The following GTF3C1 variants were observed in gnomAD, a reference collection of about 807,000 sequenced individuals.
GTF3C1 encodes the protein general transcription factor IIIC subunit 1.
In GTF3C1, 57 loss-of-function variants were observed where a neutral mutation model predicts 226.7. That is an observed-to-expected ratio of 0.25 (90% CI 0.20 to 0.31). The LOEUF is 0.31. GTF3C1 is among the 10% of genes least tolerant of loss of function. The probability of loss-of-function intolerance (pLI) is 1.00; values close to 1 mark genes in which losing one functional copy is unlikely to be tolerated. For missense variants in GTF3C1, 2,217 were observed against 2,776.1 expected (o/e 0.80, Z 4.53); for synonymous variants, 1,090 against 1,084.8 (o/e 1.00, Z -0.09).
intron 25 of GTF3C1, 177 bp from the exon 26 acceptor site, chr16:27,483,302 CCTGA>C: frequency 1.4e-6 from 1 of 694,306 alleles, no homozygotes; most frequent in Non-Finnish European, 2.6e-6. Flanking sequence ...GTCAGCCAAG[CCTGA>C]CCTCAGTCAG....
intron 14 of GTF3C1, among the ~76,000 whole-genome samples, chr16:27,497,052 T>C (rs905558287): frequency 3.3e-5 from 5 of 152,356 alleles, no homozygotes; most frequent in Admixed American, 3.3e-4. Context: ...GTCCTGGACC[T>C]GACGCTGCCT....
intron 12 of GTF3C1, 30 bp downstream of exon 12, chr16:27,501,161 G>C: frequency 6.3e-7 from 1 of 1,588,710 alleles, no homozygotes; most frequent in South Asian, 1.1e-5. Flanking sequence ...CACGAGGCTG[G>C]CTCTGGGCAT....
intron 6 of GTF3C1, among the ~76,000 whole-genome samples, chr16:27,528,102 T>C (rs1276407006): frequency 1.3e-5 from 2 of 152,088 alleles, no homozygotes; most frequent in Non-Finnish European, 1.5e-5. Flanking sequence ...GGCGAAACGC[T>C]GTCTCTACTA....
At chr16:27,529,965 C>T (rs1194792175) in intron 5 of GTF3C1, among the ~76,000 whole-genome samples, 1 of 152,172 alleles carries the variant, frequency 6.6e-6, no homozygotes, top group Non-Finnish European at 1.5e-5. Context: ...TTATACATGG[C>T]CCATTTTGCT....
At chr16:27,498,265 CCT>C (rs1226628545) in intron 13 of GTF3C1, among the ~76,000 whole-genome samples, 1 of 152,170 alleles carries the variant, frequency 6.6e-6, no homozygotes, top group African/African-American at 2.4e-5. Flanking sequence ...TTCTCCCTCC[CCT>C]GAGTTTTCTC....
At chr16:27,489,553 C>A (rs769247481) in intron 20 of GTF3C1, 49 bp downstream of exon 20, 9 of 1,467,768 alleles carry the variant, frequency 6.1e-6, no homozygotes, top group Non-Finnish European at 7.4e-6. Flanking sequence ...CTGAAATGAG[C>A]ACCACCGCAG....
At chr16:27,495,523 G>GA (rs1454462583) in intron 14 of GTF3C1, 31 bp from the exon 15 acceptor site, 2 of 1,591,726 alleles carry the variant, frequency 1.3e-6, no homozygotes, top group Admixed American at 1.7e-5. Flanking sequence ...GGCGGTGCTT[G>GA]AAAAATCCCA....
At chr16:27,465,609 C>CCA in intron 32 of GTF3C1, 69 bp from the exon 33 acceptor site, 1 of 1,255,060 alleles carries the variant, frequency 8.0e-7, no homozygotes, top group South Asian at 1.4e-5. Flanking sequence ...AATGCACAGG[C>CCA]CACACCCAGG....
At chr16:27,535,679 C>T (rs1007609569) in intron 4 of GTF3C1, among the ~76,000 whole-genome samples, 4 of 151,754 alleles carry the variant, frequency 2.6e-5, no homozygotes, top group Non-Finnish European at 5.9e-5. Flanking sequence ...CTTCTGAGGT[C>T]GGGAGTTCAA....
chr16:27,503,924 C>T (rs2088446235), intron 10 of GTF3C1, among the ~76,000 whole-genome samples: 2 of 152,186 alleles, frequency 1.3e-5, no homozygotes, highest in South Asian at 4.1e-4. Flanking sequence ...CAGGCCCCAG[C>T]CCACTTCCCT....
Position 27,549,653 on chromosome 16 carries a change from C to T in GTF3C1, c.221+17G>A. 8.9e-7 allele frequency: 1 copy of T among 1,127,338 alleles called. No individual in the cohort carries two copies. The allele number at this position is 1,127,338 out of a possible 1,614,324, so 69.8% of individuals were successfully genotyped here. A position where few individuals can be genotyped will look rare whatever the true frequency, so the allele number is the denominator to read the frequency against. On this transcript the variant is annotated intron_variant, in intron 1 of 36. Coordinates refer to ENST00000356183, the MANE Select transcript of GTF3C1 (RefSeq NM_001520.4). ...TGCGCCCGCCCGCCCGCCCGCCAGG[C>T]CAGGCCGCCCGCTGACCGGTCCTGG...
intron 4 of GTF3C1, among the ~76,000 whole-genome samples, chr16:27,536,048 G>A (rs1173755516): frequency 1.3e-5 from 2 of 152,214 alleles, no homozygotes; most frequent in African/African-American, 4.8e-5. Flanking sequence ...AGTGAGGTCT[G>A]CAGCTGCGAC....
rs928809772 is a variant in GTF3C1 at position 27,478,175 on chromosome 16, G to GA, written c.4259+293dup. On this transcript the variant is annotated intron_variant, in intron 28 of 36. Transcript: ENST00000356183. ...GAAAGAGCAAGACTCCATCTCAAAA[G>GA]AAAAAAAAAAGGAAAGAAAAAAAAA... is the stretch of plus-strand genomic sequence containing the variant. Among the ~76,000 whole-genome samples the GA allele has an allele frequency of 1.5e-3, 215 of 139,656 alleles. 2 individuals carry two copies. Among genetic ancestry groups the GA allele is most frequent in the African/African-American group, 4.5e-3 (171 of 38,028 alleles). The allele number at this position is 139,656 out of a possible 152,430, so 91.6% of individuals were successfully genotyped here.
At chr16:27,500,609 C>T (rs1196793549) in intron 12 of GTF3C1, among the ~76,000 whole-genome samples, 1 of 152,228 alleles carries the variant, frequency 6.6e-6, no homozygotes, top group Non-Finnish European at 1.5e-5. Context: ...TGGTGCCTGG[C>T]TGTACCATCA....
intron 28 of GTF3C1, among the ~76,000 whole-genome samples, chr16:27,477,012 G>GA (rs1355043717): frequency 6.6e-6 from 1 of 152,196 alleles, no homozygotes; most frequent in Non-Finnish European, 1.5e-5. Context: ...CTTGGCCAGT[G>GA]ATATTCAAGG....
rs1445918639 is a variant in GTF3C1, at chr16:27,462,613, T to C, written c.5925-127A>G. 1 of 662,630 alleles carries C rather than the reference T, an allele frequency of 1.5e-6. No individual in the cohort carries two copies. 41.0% of individuals were successfully genotyped at this position (662,630 alleles called of 1,614,324 possible). ...CACAGGGCTGAGACCAGCCACCTCT[T>C]GCTCTCTGCTTTCCAAACTCCCTGC... On this transcript the variant is annotated intron_variant, in intron 35 of 36. Transcript: ENST00000356183. This position sits in a 1 kb window ranked among gnomAD's most constrained non-coding sequence, Gnocchi z 4.5.
chr16:27,542,547 G>A (rs1031855964), intron 2 of GTF3C1, among the ~76,000 whole-genome samples: 2 of 150,062 alleles, frequency 1.3e-5, no homozygotes, highest in African/African-American at 4.9e-5. Flanking sequence ...GGCGACAAGA[G>A]CAAAACCCCG....
chr16:27,488,961 G>T, intron 21 of GTF3C1, 82 bp downstream of exon 21: 3 of 1,286,562 alleles, frequency 2.3e-6, no homozygotes, highest in Non-Finnish European at 3.4e-6. Context: ...GCCAGTATTT[G>T]TGTCTCTGGT....
chr16:27,531,157 C>T (rs2088911257), intron 5 of GTF3C1, among the ~76,000 whole-genome samples: 1 of 151,856 alleles, frequency 6.6e-6, no homozygotes. Context: ...TTCTTCATTT[C>T]TACACGGCCA....
Sources: gnomAD v4.1 joint callset for allele counts (sites outside exome capture counted in the v4.1 genomes callset) on GRCh38, gnomAD v4.1.1 for gene constraint, Gnocchi (gnomAD v3.1) non-coding constraint, MANE v1.5 for transcripts, NCBI Gene and HGNC (gene_info 2026-07-23, HGNC 2026-07-21) for gene names.